Variants in ALK observed in about 807,000 individuals in gnomAD.
The protein encoded by ALK is ALK tyrosine kinase receptor.
ALK carries 74 observed loss-of-function variants against 163.1 expected under a neutral mutation model. The ratio of observed to expected loss-of-function variants is 0.45; its 90% CI spans 0.38 to 0.55. The LOEUF is 0.55. Ranked by LOEUF, ALK falls within the 20% of genes least tolerant of loss-of-function variation. The pLI is 0.00. For synonymous variants in ALK, 960 were observed against 843.2 expected (o/e 1.14, Z -2.40); for missense variants, 2,063 against 2,105.3 (o/e 0.98, Z 0.39).
chr2:29,905,439 C>G (rs918364416), intron 1 of ALK, among the ~76,000 whole-genome samples: 2 of 152,158 alleles, frequency 1.3e-5, no homozygotes, highest in Non-Finnish European at 2.9e-5. Flanking sequence ...TATATCAAAT[C>G]TGCATTTGTG....
intron 8 of ALK, among the ~76,000 whole-genome samples, chr2:29,314,994 G>A (rs989758955): frequency 6.6e-6 from 1 of 151,978 alleles, no homozygotes; most frequent in African/African-American, 2.4e-5. Context: ...TTCCCTCCCC[G>A]GTGGCAACTT....
intron 2 of ALK, among the ~76,000 whole-genome samples, chr2:29,695,590 G>A (rs150366970): frequency 0.015 from 2,344 of 152,200 alleles, 27 homozygotes; most frequent in Non-Finnish European, 0.022. Context: ...TACAGAATGG[G>A]AGAAAAATTT....
chr2:29,271,915 C>T (rs1665398414), intron 11 of ALK, among the ~76,000 whole-genome samples: 1 of 152,228 alleles, frequency 6.6e-6, no homozygotes, highest in Admixed American at 6.5e-5. Flanking sequence ...TGGGCGGGTT[C>T]TCCCATTAGC....
chr2:29,852,391 C>T (rs1330791193), intron 1 of ALK, among the ~76,000 whole-genome samples: 1 of 152,142 alleles, frequency 6.6e-6, no homozygotes, highest in Non-Finnish European at 1.5e-5. Context: ...CTAGCAGCCC[C>T]ACTCACCATT....
chr2:29,665,226 A>G (rs1392777182), intron 3 of ALK, among the ~76,000 whole-genome samples: 1 of 151,776 alleles, frequency 6.6e-6, no homozygotes, highest in Non-Finnish European at 1.5e-5. Flanking sequence ...GACTCAAGCA[A>G]TCCACCCACC....
chr2:29,284,008 GA>G (rs756333475), intron 9 of ALK, among the ~76,000 whole-genome samples: 6 of 152,226 alleles, frequency 3.9e-5, no homozygotes, highest in Non-Finnish European at 8.8e-5. Flanking sequence ...GGGAATTGCT[GA>G]AGTCTCTTTT....
chr2:29,532,000 G>T lies in ALK; in HGVS notation c.1069C>A (p.Pro357Thr). The T allele has an allele frequency of 6.2e-7, 1 of 1,614,200 alleles. No homozygotes were observed. The highest frequency in any genetic ancestry group is 8.5e-7 in the Non-Finnish European group (1 of 1,180,024). ...LAVSVHRHLQPSGRYIAQLLP... is the reference protein window; with the variant it reads ...LAVSVHRHLQTSGRYIAQLLP... ...AGCTGGGCAATGTACCTTCCAGAGG[G>T]CTGCAGGTGCCTGTGCACCGAGACG... The change falls in exon 4 of 29, where the codon CCC becomes ACC. Residue 357 changes from proline to threonine, a missense_variant. Physicochemically the swap from Pro to Thr is conservative, Grantham distance 38. This residue lies in a region of ALK where 987 missense variants were observed against 939.5 expected (regional missense o/e 1.05). Transcript: ENST00000389048.
chr2:29,357,090 A>AT (rs560553601), intron 5 of ALK, among the ~76,000 whole-genome samples: 34 of 152,132 alleles, frequency 2.2e-4, no homozygotes, highest in Non-Finnish European at 3.8e-4. Flanking sequence ...CTGCTCTTAC[A>AT]TATCAGCTAT....
At chr2:29,889,282 A>G (rs1454294313) in intron 1 of ALK, among the ~76,000 whole-genome samples, 2 of 152,076 alleles carry the variant, frequency 1.3e-5, no homozygotes, top group Admixed American at 1.3e-4. Flanking sequence ...TATATATCAT[A>G]TACTCTCTAT....
intron 4 of ALK, among the ~76,000 whole-genome samples, chr2:29,425,791 G>A (rs1573343178): frequency 6.6e-6 from 1 of 152,314 alleles, no homozygotes; most frequent in East Asian, 1.9e-4. Context: ...TTGTGAGGGA[G>A]TTCAAGCCTA....
intron 4 of ALK, among the ~76,000 whole-genome samples, chr2:29,442,251 GTTAA>G (rs749533499): frequency 7.8e-4 from 119 of 151,998 alleles, no homozygotes; most frequent in Non-Finnish European, 1.6e-3. Flanking sequence ...GATTTGGGGT[GTTAA>G]TTACACAAAT....
intron 3 of ALK, among the ~76,000 whole-genome samples, chr2:29,632,282 C>T (rs1676401023): frequency 6.6e-6 from 1 of 152,064 alleles, no homozygotes; most frequent in Admixed American, 6.6e-5. Context: ...AGTGGGAATG[C>T]AAGTATTATG....
At chr2:29,763,216 T>C (rs1680761496) in intron 1 of ALK, among the ~76,000 whole-genome samples, 1 of 152,186 alleles carries the variant, frequency 6.6e-6, no homozygotes, top group African/African-American at 2.4e-5. Context: ...TTTCTTCATC[T>C]GTACAATGAG....
chr2:29,698,342 G>A (rs887884808), intron 2 of ALK, among the ~76,000 whole-genome samples: 2 of 152,196 alleles, frequency 1.3e-5, no homozygotes, highest in Non-Finnish European at 2.9e-5. Context: ...GACTAATAAG[G>A]AGAGGCGTAG....
intron 11 of ALK, among the ~76,000 whole-genome samples, chr2:29,270,013 G>T (rs1299400850): frequency 2.0e-5 from 3 of 152,156 alleles, no homozygotes; most frequent in East Asian, 1.9e-4. Flanking sequence ...AGATCCCTCT[G>T]GAAGACCTAT....
At chr2:29,834,039 G>A (rs1158914841) in intron 1 of ALK, among the ~76,000 whole-genome samples, 3 of 152,112 alleles carry the variant, frequency 2.0e-5, no homozygotes, top group Non-Finnish European at 2.9e-5. Context: ...AAAAAATGGG[G>A]TATACGAAAG....
intron 1 of ALK, among the ~76,000 whole-genome samples, chr2:29,727,937 G>C (rs993336686): frequency 8.5e-5 from 13 of 152,124 alleles, no homozygotes; most frequent in Admixed American, 3.9e-4. Flanking sequence ...AACACAGGAA[G>C]GAAAGATGCT....
chr2:29,426,747 A>C (rs942768038), intron 4 of ALK, among the ~76,000 whole-genome samples: 16 of 152,122 alleles, frequency 1.1e-4, no homozygotes, highest in African/African-American at 3.9e-4. Flanking sequence ...TGGATTTAAA[A>C]AGCAGTTATA....
chr2:29,645,146 A>G (rs985656736), intron 3 of ALK, among the ~76,000 whole-genome samples: 3 of 152,074 alleles, frequency 2.0e-5, no homozygotes, highest in African/African-American at 7.2e-5. Context: ...TGCTACCACC[A>G]GGTGGTAGTG....
Sources: allele counts gnomAD v4.1 joint callset (sites outside exome capture counted in the v4.1 genomes callset), GRCh38; gene constraint gnomAD v4.1.1; regional missense constraint gnomAD v4.1.1; transcripts MANE v1.5; gene names NCBI Gene and HGNC (gene_info 2026-07-23, HGNC 2026-07-21).